Variants in TMC1 observed in about 807,000 individuals in gnomAD.
TMC1 encodes transmembrane channel like 1, also known as transmembrane channel-like protein 1.
Under a neutral mutation model 105.8 loss-of-function variants are expected in TMC1, and 84 were observed. The observed-to-expected ratio is 0.79, with a 90% CI of 0.67 to 0.95. TMC1 has a LOEUF of 0.95. Ranked by LOEUF, TMC1 falls within the 40% of genes least tolerant of loss-of-function variation. The probability of loss-of-function intolerance (pLI) is 0.00; values close to 1 mark genes in which losing one functional copy is unlikely to be tolerated. For missense variants in TMC1, 817 were observed against 914.1 expected (o/e 0.89, Z 1.37); for synonymous variants, 315 against 311.5 (o/e 1.01, Z -0.12).
At chr9:72,541,946 T>C (rs576003189) in intron 1 of TMC1, among the ~76,000 whole-genome samples, 3 of 152,104 alleles carry the variant, frequency 2.0e-5, no homozygotes, top group East Asian at 3.9e-4. Context: ...AGAGAAAGGA[T>C]TGTTAAAAAA....
intron 5 of TMC1, among the ~76,000 whole-genome samples, chr9:72,684,909 A>G (rs750892690): frequency 9.2e-5 from 14 of 152,104 alleles, no homozygotes; most frequent in Non-Finnish European, 2.1e-4. Flanking sequence ...TAACATCCCT[A>G]TCAAGAAAGT....
chr9:72,665,058 CCT>C lies in TMC1; in HGVS notation c.16+16395_16+16396del, dbSNP rs538282998. ...GACTGCGCAACAGATGAGCCACACC[CCT>C]TCCACATGTCTGCAAGGGGTATCAG... On this transcript the variant is annotated intron_variant, in intron 5 of 23. Coordinates refer to ENST00000297784, the MANE Select transcript of TMC1 (RefSeq NM_138691.3). 1.1e-4 allele frequency among the ~76,000 whole-genome samples: 16 copies of C among 152,310 alleles called. No homozygotes were observed. The East Asian group carries it at 2.9e-3, about 28-fold the overall frequency.
At chr9:72,691,129 A>G (rs1826459933) in intron 6 of TMC1, among the ~76,000 whole-genome samples, 1 of 152,012 alleles carries the variant, frequency 6.6e-6, no homozygotes, top group Non-Finnish European at 1.5e-5. Context: ...CTGTTACTCT[A>G]TTCTTCAGTT....
At chr9:72,567,528 A>G (rs1024490054) in intron 1 of TMC1, among the ~76,000 whole-genome samples, 3 of 152,192 alleles carry the variant, frequency 2.0e-5, no homozygotes, top group African/African-American at 7.2e-5. Flanking sequence ...CAATTATGGC[A>G]GAGGCACCTC....
chr9:72,541,749 G>T (rs76330987), intron 1 of TMC1, among the ~76,000 whole-genome samples: 7,468 of 151,462 alleles, frequency 0.049, 292 homozygotes, highest in African/African-American at 0.11. Context: ...GGCTTTAGAA[G>T]AGGAAGCTTG....
intron 3 of TMC1, among the ~76,000 whole-genome samples, chr9:72,625,416 C>T (rs184505111): frequency 5.3e-5 from 8 of 152,034 alleles, no homozygotes; most frequent in South Asian, 2.1e-4. Context: ...TGGCCAGGCA[C>T]GGTGGCTCAC....
intron 4 of TMC1, among the ~76,000 whole-genome samples, chr9:72,646,276 ATAGTCT>A (rs1235902768): frequency 2.0e-5 from 3 of 152,182 alleles, no homozygotes; most frequent in Non-Finnish European, 2.9e-5. Flanking sequence ...GTTTATTGTA[ATAGTCT>A]TAGTATTAAA....
intron 4 of TMC1, among the ~76,000 whole-genome samples, chr9:72,631,499 A>G (rs1168424852): frequency 6.6e-6 from 1 of 152,256 alleles, no homozygotes; most frequent in South Asian, 2.1e-4. Flanking sequence ...GAGAGAAATT[A>G]TAGAAAGCTA....
intron 1 of TMC1, among the ~76,000 whole-genome samples, chr9:72,538,793 G>GCTAT (rs542324916): frequency 8.5e-5 from 13 of 152,100 alleles, no homozygotes; most frequent in Non-Finnish European, 1.8e-4. Context: ...GTCATGTGAT[G>GCTAT]CTATATCAGA....
chr9:72,644,697 C>A (rs1157958654), intron 4 of TMC1, among the ~76,000 whole-genome samples: 1 of 152,124 alleles, frequency 6.6e-6, no homozygotes, highest in Non-Finnish European at 1.5e-5. Context: ...CTGCTATTTT[C>A]TTCCTTTTCA....
At chr9:72,805,716 G>A (rs1323184529) in intron 18 of TMC1, among the ~76,000 whole-genome samples, 5 of 151,510 alleles carry the variant, frequency 3.3e-5, no homozygotes, top group African/African-American at 1.2e-4. Context: ...TGTGTCCCTG[G>A]GTACTTGAGA....
chr9:72,738,292 C>A (rs2118008034), intron 8 of TMC1, among the ~76,000 whole-genome samples: 1 of 152,138 alleles, frequency 6.6e-6, no homozygotes, highest in South Asian at 2.1e-4. Flanking sequence ...TAATGAGGCC[C>A]CACTCCCTAG....
At chr9:72,594,166 T>C (rs1824683262) in intron 2 of TMC1, among the ~76,000 whole-genome samples, 1 of 152,166 alleles carries the variant, frequency 6.6e-6, no homozygotes, top group African/African-American at 2.4e-5. Context: ...GATTTTTACA[T>C]GTACGCGGAG....
At chr9:72,771,505 G>A (rs1827925565) in intron 12 of TMC1, among the ~76,000 whole-genome samples, 2 of 152,144 alleles carry the variant, frequency 1.3e-5, no homozygotes, top group Non-Finnish European at 2.9e-5. Flanking sequence ...GCAACCAATT[G>A]GGTTTTCTAA....
Position 72,770,445 on chromosome 9 carries a change from G to T in TMC1, c.742-1968G>T, listed in dbSNP as rs150613539. On this transcript the variant is annotated intron_variant, in intron 12 of 23. Coordinates refer to ENST00000297784, the MANE Select transcript of TMC1 (RefSeq NM_138691.3). ...TTTTTTTTTTTTTTTTTGAGACGGG[G>T]TCTCACTTTGTCACCTAGGCTGCAG... is the stretch of plus-strand genomic sequence containing the variant. 4.1e-3 allele frequency among the ~76,000 whole-genome samples: 568 copies of T among 138,968 alleles called. 13 individuals carry two copies. The East Asian group carries it at 0.057, about 14-fold the overall frequency. The allele number at this position is 138,968 out of a possible 152,430, so 91.2% of individuals were successfully genotyped here. A position where few individuals can be genotyped will look rare whatever the true frequency, so the allele number is the denominator to read the frequency against.
chr9:72,671,188 G>C (rs989461373), intron 5 of TMC1, among the ~76,000 whole-genome samples: 1 of 152,168 alleles, frequency 6.6e-6, no homozygotes, highest in African/African-American at 2.4e-5. Context: ...ATACAATGGG[G>C]TTATGATCTA....
chr9:72,732,912 C>G (rs1387657101), intron 8 of TMC1, among the ~76,000 whole-genome samples: 1 of 152,196 alleles, frequency 6.6e-6, no homozygotes, highest in Admixed American at 6.5e-5. Flanking sequence ...GGCCAACACT[C>G]AGTGTGCTTT....
chr9:72,823,026 ATTAT>A (rs1307683936), intron 20 of TMC1, among the ~76,000 whole-genome samples: 2 of 152,192 alleles, frequency 1.3e-5, no homozygotes, highest in Non-Finnish European at 2.9e-5. Flanking sequence ...TATTTTTAAA[ATTAT>A]TTATTTGTTT....
chr9:72,631,270 G>A (rs1477958117), intron 4 of TMC1, among the ~76,000 whole-genome samples: 1 of 152,134 alleles, frequency 6.6e-6, no homozygotes, highest in East Asian at 1.9e-4. Flanking sequence ...AATTACAAAT[G>A]CAAATTAAAA....
Sources: allele counts gnomAD v4.1 joint callset (sites outside exome capture counted in the v4.1 genomes callset), GRCh38; gene constraint gnomAD v4.1.1; transcripts MANE v1.5; gene names NCBI Gene and HGNC (gene_info 2026-07-23, HGNC 2026-07-21).